ERI1: variants seen among roughly 807,000 people sequenced by gnomAD.
The protein encoded by ERI1 is 3'-5' exoribonuclease 1.
Under a neutral mutation model 39.7 loss-of-function variants are expected in ERI1, and 39 were observed. The observed-to-expected ratio is 0.98, with a 90% confidence interval of 0.76 to 1.28. The LOEUF (loss-of-function observed/expected upper bound fraction) is 1.28, where lower values mean the gene tolerates loss of function less well. ERI1 is among the 50% of genes most tolerant of loss of function. The pLI is 0.00. For synonymous variants in ERI1, 204 were observed against 149.6 expected (o/e 1.36, Z -2.65); for missense variants, 581 against 416.9 (o/e 1.39, Z -3.43).
rs556371449 is a variant in ERI1 at position 9,015,663 on chromosome 8, A to G, written c.499-659A>G. On this transcript the variant is annotated intron_variant, in intron 3 of 6. Transcript: ENST00000250263. ...CGTGAACCTGGGAGGCGGAGCTTGC[A>G]GTGAGCCGAGATTGTGGCAGTGCAC... Among the ~76,000 whole-genome samples the G allele has an allele frequency of 5.0e-5, 7 of 138,724 alleles. No individual in the cohort carries two copies. In the East Asian group the frequency reaches 1.5e-3, roughly 29 times the overall value. The allele number at this position is 138,724 out of a possible 152,430, so 91.0% of individuals were successfully genotyped here.
intron 3 of ERI1, among the ~76,000 whole-genome samples, chr8:9,050,665 A>G (rs1202499043): frequency 1.3e-5 from 2 of 152,142 alleles, no homozygotes; most frequent in African/African-American, 2.4e-5. Context: ...GATGCGTATT[A>G]ATATAAAATC....
At chr8:9,059,735 C>T (rs67259528) in intron 3 of ERI1, among the ~76,000 whole-genome samples, 6 of 151,874 alleles carry the variant, frequency 4.0e-5, no homozygotes, top group African/African-American at 9.7e-5. Flanking sequence ...TTAAGAGTGG[C>T]GGTTTGGGGA....
chr8:9,047,864 T>C (rs905250265), intron 3 of ERI1, among the ~76,000 whole-genome samples: 1 of 152,208 alleles, frequency 6.6e-6, no homozygotes, highest in Non-Finnish European at 1.5e-5. Flanking sequence ...TGTGTTGGGG[T>C]GCACGAGTGC....
intron 3 of ERI1, among the ~76,000 whole-genome samples, chr8:9,086,466 C>T (rs1799530003): frequency 6.6e-6 from 1 of 152,318 alleles, no homozygotes; most frequent in East Asian, 1.9e-4. Flanking sequence ...GGGAGGATCT[C>T]TTGAGCCAGG....
intron 3 of ERI1, among the ~76,000 whole-genome samples, chr8:9,074,803 C>G (rs148033203): frequency 9.5e-4 from 144 of 152,302 alleles, no homozygotes; most frequent in African/African-American, 3.3e-3. Flanking sequence ...TTAAAAATTT[C>G]TAAATTCCTA....
At chr8:9,003,876 C>T (rs888696929) in intron 1 of ERI1, among the ~76,000 whole-genome samples, 9 of 152,196 alleles carry the variant, frequency 5.9e-5, no homozygotes, top group African/African-American at 2.2e-4. Context: ...TCATAAAGTG[C>T]GTATTTGCAA....
chr8:9,036,157 A>G (rs1395130863), downstream of ERI1, among the ~76,000 whole-genome samples: 2 of 152,274 alleles, frequency 1.3e-5, no homozygotes, highest in African/African-American at 4.8e-5. Context: ...AGGATTTAGA[A>G]TATTACATAA....
At position 9,008,087 on chromosome 8, in the gene ERI1, A is replaced by G. The variant is rs1164050252; in HGVS notation, c.226A>G (p.Ile76Val). Reference sequence around the variant, plus strand: ...AGAGATTGCCATTACGAATGGCTGTATTAATAGAATGAGTAAGGAAGAACT... The same window carrying G: ...AGAGATTGCCATTACGAATGGCTGTGTTAATAGAATGAGTAAGGAAGAACT... ...YKEIAITNGC[I>V]NRMSKEELRA... The change falls in exon 2 of 7, where the codon ATT (isoleucine) becomes GTT (valine). Residue 76 changes from isoleucine to valine, a missense_variant. By Grantham distance (29) the Ile-to-Val change is conservative. Transcript: ENST00000250263. 2.5e-6 allele frequency: 4 copies of G among 1,612,860 alleles called. No homozygotes were observed. The highest frequency in any genetic ancestry group is 3.3e-5 in the Admixed American group (2 of 59,930).
intron 3 of ERI1, among the ~76,000 whole-genome samples, chr8:9,082,385 A>C (rs540388399): frequency 6.6e-6 from 1 of 152,342 alleles, no homozygotes; most frequent in African/African-American, 2.4e-5. Context: ...AAAAGACAGA[A>C]GGGCTTCTCT....
At chr8:9,010,081 A>T (rs536221949) in intron 2 of ERI1, among the ~76,000 whole-genome samples, 1 of 152,268 alleles carries the variant, frequency 6.6e-6, no homozygotes, top group African/African-American at 2.4e-5. Context: ...GCCATGCTCA[A>T]CGAAGCTAAT....
chr8:9,026,552 T>C (rs377662373), intron 6 of ERI1, among the ~76,000 whole-genome samples: 1 of 152,188 alleles, frequency 6.6e-6, no homozygotes. Context: ...TTGTATCATG[T>C]GTCAGAATTC....
At chr8:9,037,161 A>G (rs1199844051), downstream of ERI1, among the ~76,000 whole-genome samples, 4 of 152,216 alleles carry the variant, frequency 2.6e-5, no homozygotes, top group Admixed American at 6.5e-5. Context: ...CTGATGGGAT[A>G]AAACTCAGCT....
intron 3 of ERI1, among the ~76,000 whole-genome samples, chr8:9,045,034 G>C (rs535810737): frequency 2.0e-5 from 3 of 151,870 alleles, no homozygotes; most frequent in African/African-American, 7.2e-5. Context: ...TCAGGAGATC[G>C]AGACCATCCT....
At chr8:9,038,587 T>C (rs1211222210) in intron 3 of ERI1, among the ~76,000 whole-genome samples, 1 of 149,862 alleles carries the variant, frequency 6.7e-6, no homozygotes, top group Non-Finnish European at 1.5e-5. Flanking sequence ...TGAAACCCTG[T>C]TTCTACAAAA....
chr8:9,010,502 A>G (rs959089007), intron 2 of ERI1, among the ~76,000 whole-genome samples: 1 of 152,144 alleles, frequency 6.6e-6, no homozygotes. Flanking sequence ...GATTATTACT[A>G]TTTTCATGGG....
chr8:9,095,607 G>C (rs1319890667), intron 3 of ERI1, among the ~76,000 whole-genome samples: 1 of 152,058 alleles, frequency 6.6e-6, no homozygotes, highest in Non-Finnish European at 1.5e-5. Context: ...CTGGGCTCAA[G>C]CCTCCCTGCT....
intron 3 of ERI1, among the ~76,000 whole-genome samples, chr8:9,072,680 C>A (rs1395129199): frequency 6.6e-6 from 1 of 152,156 alleles, no homozygotes; most frequent in East Asian, 1.9e-4. Context: ...ATTTAAATCT[C>A]CATCTCACTC....
intron 3 of ERI1, among the ~76,000 whole-genome samples, chr8:9,068,170 A>C (rs1349138771): frequency 1.3e-5 from 2 of 152,280 alleles, no homozygotes; most frequent in East Asian, 3.9e-4. Flanking sequence ...ATTTTTTCAG[A>C]TATATCTAAA....
At chr8:9,075,445 G>A (rs957861144) in intron 3 of ERI1, among the ~76,000 whole-genome samples, 10 of 151,308 alleles carry the variant, frequency 6.6e-5, no homozygotes, top group African/African-American at 2.4e-4. Flanking sequence ...ACTTTTGAGA[G>A]CCTCCATGTA....
Sources: allele counts gnomAD v4.1 joint callset (sites outside exome capture counted in the v4.1 genomes callset), GRCh38; gene constraint gnomAD v4.1.1; transcripts MANE v1.5; gene names NCBI Gene and HGNC (gene_info 2026-07-23, HGNC 2026-07-21).